Variants in EBF1 observed in about 807,000 individuals in gnomAD.
The protein encoded by EBF1 is transcription factor COE1.
EBF1 carries 10 observed loss-of-function variants against 68.4 expected under a neutral mutation model. The ratio of observed to expected loss-of-function variants is 0.15; its 90% confidence interval spans 0.09 to 0.25. The LOEUF (loss-of-function observed/expected upper bound fraction) is 0.25. Among genes scored for constraint, EBF1 ranks in the 10% least tolerant of loss-of-function variants. The pLI is 1.00. For missense variants in EBF1, 509 were observed against 794.4 expected (o/e 0.64, Z 4.32); for synonymous variants, 298 against 299.8 (o/e 0.99, Z 0.06).
chr5:158,941,858 A>T (rs1414631426), intron 6 of EBF1, among the ~76,000 whole-genome samples: 1 of 152,210 alleles, frequency 6.6e-6, no homozygotes, highest in African/African-American at 2.4e-5. Flanking sequence ...TAGGCCACTT[A>T]AATACATCCT....
intron 6 of EBF1, among the ~76,000 whole-genome samples, chr5:159,034,312 T>C (rs997825475): frequency 1.2e-4 from 18 of 152,264 alleles, no homozygotes; most frequent in African/African-American, 4.3e-4. Flanking sequence ...CAAACCCAAG[T>C]TAGATAGTGG....
intron 11 of EBF1, among the ~76,000 whole-genome samples, chr5:158,721,898 C>T (rs1324612163): frequency 6.6e-6 from 1 of 151,854 alleles, no homozygotes; most frequent in African/African-American, 2.4e-5. Flanking sequence ...ATGGCTTTCC[C>T]CTCCCTTTTT....
chr5:159,060,413 A>G (rs77318359), intron 6 of EBF1, among the ~76,000 whole-genome samples: 8,264 of 152,276 alleles, frequency 0.054, 230 homozygotes, highest in Middle Eastern at 0.085. Context: ...AGATTTTTAA[A>G]AATCTATGTA....
At chr5:158,918,682 A>G (rs1266520213) in intron 6 of EBF1, among the ~76,000 whole-genome samples, 2 of 151,946 alleles carry the variant, frequency 1.3e-5, no homozygotes, top group Non-Finnish European at 2.9e-5. Flanking sequence ...ATCTCTCTCC[A>G]CTCCCCACAC....
intron 6 of EBF1, among the ~76,000 whole-genome samples, chr5:158,975,998 T>C (rs1756666851): frequency 6.6e-6 from 1 of 152,168 alleles, no homozygotes; most frequent in South Asian, 2.1e-4. Context: ...GCACCTGAAA[T>C]AACCTGCCTC....
intron 6 of EBF1, among the ~76,000 whole-genome samples, chr5:158,973,263 G>A (rs928815169): frequency 6.6e-6 from 1 of 152,132 alleles, no homozygotes; most frequent in African/African-American, 2.4e-5. Flanking sequence ...AAGGGGAGGA[G>A]AGGGAAGGAT....
chr5:159,061,692 A>G (rs1775868015), intron 6 of EBF1, among the ~76,000 whole-genome samples: 1 of 151,652 alleles, frequency 6.6e-6, no homozygotes, highest in African/African-American at 2.4e-5. Flanking sequence ...TCAAGAAGCT[A>G]CTTGTCACTG....
At chr5:158,829,804 CCTAA>C (rs1388342308) in intron 7 of EBF1, among the ~76,000 whole-genome samples, 3 of 152,224 alleles carry the variant, frequency 2.0e-5, no homozygotes, top group Non-Finnish European at 2.9e-5. Context: ...TCTAGTGGCT[CCTAA>C]CTAAGAGTTT....
chr5:158,904,061 C>G (rs1246059329), intron 6 of EBF1, among the ~76,000 whole-genome samples: 2 of 152,118 alleles, frequency 1.3e-5, no homozygotes, highest in Non-Finnish European at 2.9e-5. Context: ...AAACCAAACC[C>G]AAGGCCCTGA....
At chr5:159,018,022 C>G (rs1266960867) in intron 6 of EBF1, among the ~76,000 whole-genome samples, 1 of 152,106 alleles carries the variant, frequency 6.6e-6, no homozygotes, top group South Asian at 2.1e-4. Flanking sequence ...CCTGCCCCAG[C>G]CTCCTGGGCA....
intron 6 of EBF1, among the ~76,000 whole-genome samples, chr5:158,948,000 G>T (rs1583396784): frequency 6.6e-6 from 1 of 152,202 alleles, no homozygotes; most frequent in African/African-American, 2.4e-5. Flanking sequence ...ATATACTGAA[G>T]AACTTGTAAT....
At chr5:158,728,362 G>C (rs1382313781) in intron 11 of EBF1, among the ~76,000 whole-genome samples, 1 of 152,184 alleles carries the variant, frequency 6.6e-6, no homozygotes, top group African/African-American at 2.4e-5. Context: ...GGAAAAAAGG[G>C]TTGGGAATTT....
At chr5:158,969,918 A>G (rs1297418685) in intron 6 of EBF1, among the ~76,000 whole-genome samples, 9 of 53,170 alleles carry the variant, frequency 1.7e-4, no homozygotes, top group Admixed American at 3.6e-4. Context: ...GAAAGAAAGA[A>G]AAAAAAAAAA....
chr5:158,855,786 C>T (rs150891862), intron 6 of EBF1, among the ~76,000 whole-genome samples: 113 of 152,316 alleles, frequency 7.4e-4, no homozygotes, highest in Non-Finnish European at 1.3e-3. Context: ...AGGACTTTCT[C>T]CCCAGCACCT....
intron 7 of EBF1, among the ~76,000 whole-genome samples, chr5:158,832,650 C>T (rs1787836585): frequency 6.6e-6 from 1 of 152,116 alleles, no homozygotes; most frequent in Admixed American, 6.5e-5. Context: ...TATTCTTATC[C>T]CTTTTATGTA....
chr5:159,045,252 A>T (rs1772107064), intron 6 of EBF1, among the ~76,000 whole-genome samples: 1 of 152,058 alleles, frequency 6.6e-6, no homozygotes, highest in Non-Finnish European at 1.5e-5. Flanking sequence ...AGAATCAGAG[A>T]TCTCAAGAAT....
chr5:159,065,069 G>A (rs542137376), intron 6 of EBF1, among the ~76,000 whole-genome samples: 6 of 152,024 alleles, frequency 3.9e-5, no homozygotes, highest in African/African-American at 1.4e-4. Context: ...AGTGTTAAAA[G>A]TGATATTTTC....
chr5:159,051,690 C>T (rs886791359), intron 6 of EBF1, among the ~76,000 whole-genome samples: 3 of 151,904 alleles, frequency 2.0e-5, no homozygotes, highest in South Asian at 2.1e-4. Context: ...CCCACAATGC[C>T]ACTACTGAGA....
chr5:158,740,298 C>T (rs746356808), intron 10 of EBF1, among the ~76,000 whole-genome samples: 1 of 152,160 alleles, frequency 6.6e-6, no homozygotes, highest in African/African-American at 2.4e-5. Context: ...GCTAACCAAA[C>T]GCGGAGTTCT....
Sources: allele counts gnomAD v4.1 joint callset (sites outside exome capture counted in the v4.1 genomes callset), GRCh38; gene constraint gnomAD v4.1.1; transcripts MANE v1.5; gene names NCBI Gene and HGNC (gene_info 2026-07-23, HGNC 2026-07-21).